Variants in SCAPER observed in about 807,000 individuals in gnomAD.
SCAPER encodes the protein S phase cyclin A-associated protein in the endoplasmic reticulum.
SCAPER carries 98 observed loss-of-function variants against 182.2 expected under a neutral mutation model. That is an observed-to-expected ratio of 0.54 (90% CI 0.46 to 0.64). SCAPER has a LOEUF of 0.64. SCAPER is among the 30% of genes least tolerant of loss of function. SCAPER has a pLI of 0.00. For missense variants in SCAPER, 1,432 were observed against 1,690.0 expected (o/e 0.85, Z 2.68); for synonymous variants, 605 against 564.6 (o/e 1.07, Z -1.01).
chr15:76,375,971 C>G (rs572204874), intron 29 of SCAPER, among the ~76,000 whole-genome samples, 191 bp downstream of exon 29: 3 of 152,142 alleles, frequency 2.0e-5, no homozygotes, highest in Non-Finnish European at 4.4e-5. Context: ...GGTGATAGAG[C>G]GAGCCTCTGT....
At chr15:76,743,912 A>G (rs919311788) in intron 15 of SCAPER, among the ~76,000 whole-genome samples, 1 of 152,224 alleles carries the variant, frequency 6.6e-6, no homozygotes, top group Non-Finnish European at 1.5e-5. Flanking sequence ...ACAGTAAACA[A>G]AACAGCATGG....
chr15:76,623,658 T>C (rs1356111062), intron 21 of SCAPER, among the ~76,000 whole-genome samples: 3 of 152,310 alleles, frequency 2.0e-5, no homozygotes, highest in South Asian at 4.1e-4. Context: ...AGACTTATAG[T>C]ATAGTTTGAA....
At chr15:76,897,094 A>C (rs944934529) in intron 1 of SCAPER, among the ~76,000 whole-genome samples, 3 of 152,228 alleles carry the variant, frequency 2.0e-5, no homozygotes, top group Non-Finnish European at 4.4e-5. Context: ...ATAAAACAAG[A>C]GTAAAAATAT....
chr15:76,367,135 A>G (rs2041867085), intron 29 of SCAPER, among the ~76,000 whole-genome samples: 1 of 152,224 alleles, frequency 6.6e-6, no homozygotes, highest in South Asian at 2.1e-4. Flanking sequence ...CAGAGCACCC[A>G]GGCTAACTCT....
chr15:76,572,919 T>TCTCACACA (rs1477852757), intron 23 of SCAPER, among the ~76,000 whole-genome samples: 90 of 135,266 alleles, frequency 6.7e-4, no homozygotes, highest in African/African-American at 2.4e-3. Flanking sequence ...TCTCTCTCTC[T>TCTCACACA]CACACACACA....
rs551886864 is a variant in SCAPER at position 76,582,008 on chromosome 15, T to G, written c.2712-7724A>C. Among the ~76,000 whole-genome samples, 20 of 152,288 alleles carry G rather than the reference T, an allele frequency of 1.3e-4. No homozygotes were observed. The South Asian group carries it at 3.9e-3, about 30-fold the overall frequency. ...TATGACAGACACAGAGCTAGTATACTGAACAGAGAAATGCTAAAAGCCTTT... is the reference window on the plus strand; with the variant it reads ...TATGACAGACACAGAGCTAGTATACGGAACAGAGAAATGCTAAAAGCCTTT... On this transcript the variant is annotated intron_variant, in intron 22 of 31. Transcript: ENST00000563290.
chr15:76,359,121 C>T (rs1210100400), intron 29 of SCAPER, among the ~76,000 whole-genome samples: 1 of 152,212 alleles, frequency 6.6e-6, no homozygotes, highest in Non-Finnish European at 1.5e-5. Flanking sequence ...CTGACCAGTT[C>T]TGCTGCTCTG....
intron 7 of SCAPER, among the ~76,000 whole-genome samples, chr15:76,797,916 GCCTACTTTTCAACCAAAAAAAAAAAAAAA>G (rs2065445841): frequency 9.5e-6 from 1 of 105,066 alleles, no homozygotes; most frequent in Admixed American, 1.2e-4. Context: ...CATTTAAAAT[GCCTACTTTTCAACCAAAAAAAAAAAAAAA>G]TCAGATGATG....
Position 76,514,326 on chromosome 15 carries a change from C to A in SCAPER, c.2839-9352G>T, listed in dbSNP as rs561785591. On this transcript the variant is annotated intron_variant, in intron 23 of 31. Transcript: ENST00000563290. ...CTCTCACCCACTGTGAGACTGACAA[C>A]TGACTAATAGGATTAGTGGCTCCAT... 3.9e-5 allele frequency among the ~76,000 whole-genome samples: 6 copies of A among 152,298 alleles called. No homozygotes were observed. The East Asian group carries it at 9.7e-4, about 25-fold the overall frequency.
At chr15:76,396,702 A>T (rs978732865) in intron 27 of SCAPER, among the ~76,000 whole-genome samples, 1 of 152,178 alleles carries the variant, frequency 6.6e-6, no homozygotes, top group Admixed American at 6.5e-5. Context: ...TATCGGTTCT[A>T]ATAGCTTTTT....
At chr15:76,881,693 G>A (rs1355486191) in intron 2 of SCAPER, among the ~76,000 whole-genome samples, 2 of 152,148 alleles carry the variant, frequency 1.3e-5, no homozygotes, top group Non-Finnish European at 2.9e-5. Flanking sequence ...AAATCACAGA[G>A]ACAGCAAGTG....
At chr15:76,726,545 C>T (rs555043287) in intron 17 of SCAPER, among the ~76,000 whole-genome samples, 25 of 151,916 alleles carry the variant, frequency 1.6e-4, no homozygotes, top group African/African-American at 5.8e-4. Context: ...TTTGTAACAC[C>T]CGTGTTTATA....
At chr15:76,900,776 A>G (rs1455931028) in intron 1 of SCAPER, among the ~76,000 whole-genome samples, 2 of 152,228 alleles carry the variant, frequency 1.3e-5, no homozygotes, top group African/African-American at 4.8e-5. Context: ...AGCAGTGAGA[A>G]GCCTGCTGGT....
At chr15:76,618,829 C>T (rs2051740339) in intron 22 of SCAPER, among the ~76,000 whole-genome samples, 1 of 152,154 alleles carries the variant, frequency 6.6e-6, no homozygotes, top group Non-Finnish European at 1.5e-5. Context: ...ATACAAATGA[C>T]AAATTCTCCT....
chr15:76,426,414 C>T (rs989040148), intron 26 of SCAPER, among the ~76,000 whole-genome samples: 7 of 152,116 alleles, frequency 4.6e-5, no homozygotes, highest in South Asian at 2.1e-4. Context: ...GAGCCAGGTG[C>T]GGGATATAAT....
At chr15:76,805,714 C>T (rs561580463) in intron 5 of SCAPER, among the ~76,000 whole-genome samples, 7 of 152,030 alleles carry the variant, frequency 4.6e-5, no homozygotes, top group Non-Finnish European at 2.9e-5. Flanking sequence ...ATTACAGGCA[C>T]GTGCCACCAT....
intron 18 of SCAPER, among the ~76,000 whole-genome samples, chr15:76,703,295 C>G (rs567341761): frequency 4.6e-5 from 7 of 152,272 alleles, no homozygotes; most frequent in African/African-American, 1.2e-4. Context: ...TAATGTAGAA[C>G]TTTACAGAAC....
chr15:76,410,309 C>G (rs982311098), intron 26 of SCAPER, among the ~76,000 whole-genome samples: 1 of 152,174 alleles, frequency 6.6e-6, no homozygotes, highest in Non-Finnish European at 1.5e-5. Flanking sequence ...CATTCATCCA[C>G]TCAATTATTT....
intron 8 of SCAPER, among the ~76,000 whole-genome samples, chr15:76,794,637 A>C (rs1438842312): frequency 6.6e-6 from 1 of 152,260 alleles, no homozygotes; most frequent in African/African-American, 2.4e-5. Flanking sequence ...CAGTGTCTGA[A>C]GTTCTCTTGA....
Sources: allele counts gnomAD v4.1 joint callset (sites outside exome capture counted in the v4.1 genomes callset), GRCh38; gene constraint gnomAD v4.1.1; transcripts MANE v1.5; gene names NCBI Gene and HGNC (gene_info 2026-07-23, HGNC 2026-07-21).